COG1: variants seen among roughly 807,000 people sequenced by gnomAD.
COG1 encodes the protein conserved oligomeric Golgi complex subunit 1.
In COG1, 61 loss-of-function variants were observed where a neutral mutation model predicts 102.2. That is an observed-to-expected ratio of 0.60 (90% confidence interval 0.49 to 0.74). The LOEUF is 0.74. COG1 is among the 30% of genes least tolerant of loss of function. The pLI is 0.00. For missense variants in COG1, 1,164 were observed against 1,232.1 expected (o/e 0.94, Z 0.83); for synonymous variants, 454 against 493.6 (o/e 0.92, Z 1.06).
chr17:73,194,584 C>T (rs2061318170), intron 1 of COG1, among the ~76,000 whole-genome samples: 1 of 152,080 alleles, frequency 6.6e-6, no homozygotes, highest in Middle Eastern at 3.4e-3. Context: ...CTGCCTCAGC[C>T]ACCCGCGTAG....
chr17:73,201,097 A>G lies in COG1; in HGVS notation c.1282-12A>G. 1.2e-6 allele frequency: 2 copies of G among 1,612,304 alleles called. No homozygotes were observed. Among genetic ancestry groups the G allele is most frequent in the Non-Finnish European group, 1.7e-6 (2 of 1,178,572 alleles). ...GAACTGTGATTAGAACTCTTCTCTC[A>G]TTCTCTTTTAGACTCTGACAAAAGA... is the stretch of plus-strand genomic sequence containing the variant. On this transcript the variant is annotated splice_polypyrimidine_tract_variant and intron_variant, in intron 6 of 13. Coordinates refer to ENST00000299886, the MANE Select transcript of COG1 (RefSeq NM_018714.3).
chr17:73,204,465 C>T (rs1174062778), intron 9 of COG1, among the ~76,000 whole-genome samples: 1 of 151,984 alleles, frequency 6.6e-6, no homozygotes, highest in East Asian at 1.9e-4. Flanking sequence ...TGCTTACTTA[C>T]GGGGAGTTCT....
intron 9 of COG1, chr17:73,205,288 T>C (rs1487731729): frequency 2.2e-6 from 1 of 459,914 alleles, no homozygotes; most frequent in Non-Finnish European, 4.0e-6. Context: ...AGGAGCCTTT[T>C]TTTCCCCTTT....
chr17:73,200,471 A>C (rs968707513), intron 5 of COG1, 95 bp from the exon 6 acceptor site: 3 of 1,061,206 alleles, frequency 2.8e-6, no homozygotes, highest in Non-Finnish European at 4.4e-6. Flanking sequence ...TGGAACTCAG[A>C]TAAGAGATTG....
Position 73,208,424 on chromosome 17 carries a change from T to C in COG1, c.2916T>C (p.Leu972=). Residue 972 remains leucine (L), a synonymous_variant, in exon 14 of 14, where the codon CTT becomes CTC. Coordinates refer to ENST00000299886, the MANE Select transcript of COG1 (RefSeq NM_018714.3). ...DNTSAPSLFK[L]GWLSSMTK Reference sequence around the variant, plus strand: ...CGTCTGCACCTTCATTATTCAAACTTGGCTGGCTCTCTAGTATGACTAAGT... The same window carrying C: ...CGTCTGCACCTTCATTATTCAAACTCGGCTGGCTCTCTAGTATGACTAAGT... 1 of 1,614,220 alleles carries C rather than the reference T, an allele frequency of 6.2e-7. No homozygotes were observed. Among genetic ancestry groups the C allele is most frequent in the East Asian group, 2.2e-5 (1 of 44,880 alleles).
chr17:73,194,238 C>A (rs2061316005), intron 1 of COG1, among the ~76,000 whole-genome samples: 1 of 148,052 alleles, frequency 6.8e-6, no homozygotes, highest in Non-Finnish European at 1.5e-5. Context: ...GTCAGGAGAT[C>A]CAGACCATCC....
At chr17:73,203,850 G>C (rs1405548345) in intron 9 of COG1, 57 bp downstream of exon 9, 1 of 1,597,024 alleles carries the variant, frequency 6.3e-7, no homozygotes, top group Non-Finnish European at 8.6e-7. Flanking sequence ...GAAAACCTTA[G>C]CATTGTCTTG....
intron 1 of COG1, among the ~76,000 whole-genome samples, chr17:73,194,092 A>G: frequency 6.6e-6 from 1 of 152,092 alleles, no homozygotes. Flanking sequence ...CACAATGAGG[A>G]AGGATGGGAG....
chr17:73,205,318 T>C (rs2061364030), intron 9 of COG1: 3 of 526,524 alleles, frequency 5.7e-6, no homozygotes, highest in East Asian at 7.0e-5. Flanking sequence ...ATTTACAGCA[T>C]CTGAGGCCTT....
At position 73,197,383 on chromosome 17, in the gene COG1, C is replaced by G. The variant is rs776685074; in HGVS notation, c.900C>G (p.Gly300=). 1.2e-6 allele frequency: 2 copies of G among 1,614,156 alleles called. No homozygotes were observed. The highest frequency in any genetic ancestry group is 2.2e-5 in the South Asian group (2 of 91,086). ...LLFSTLETIT[G]QHPAGKGTGV... is the part of the protein sequence containing the mutation. ...TCTCTACTCTGGAGACCATCACAGG[C>G]CAGCATCCTGCCGGTGAGCTCTTAG... The change falls in exon 4 of 14, where the codon GGC becomes GGG. Residue 300 remains glycine, a synonymous_variant. Coordinates refer to ENST00000299886, the MANE Select transcript of COG1 (RefSeq NM_018714.3).
rs2061381090 is a variant in COG1 at position 73,207,239 on chromosome 17, A to G, written c.2788A>G (p.Ile930Val). 1.2e-6 allele frequency: 2 copies of G among 1,614,184 alleles called. No homozygotes were observed. The highest frequency in any genetic ancestry group is 8.5e-7 in the Non-Finnish European group (1 of 1,180,044). Residue 930 changes from isoleucine to valine, a missense_variant, in exon 13 of 14, where the codon ATC (isoleucine) becomes GTC (valine). Coordinates refer to ENST00000299886, the MANE Select transcript of COG1 (RefSeq NM_018714.3). ...TCGAAAGGCTAAATCAACCAGAAAC[A>G]TCGAAACAAAAGCTCAGGTTGGTGC... ...STRKAKSTRN[I>V]ETKAQVVPPA...
Position 73,201,658 on chromosome 17 carries a change from GTTCTT to G in COG1, c.1835_1839del (p.Leu612HisfsTer34). ...CCTCAACAGTGCCAAGCTGCACTCA[GTTCTT>G]TTCATGGCCAGACTCTGCCAGTCCC... On this transcript the variant is annotated frameshift_variant, in exon 7 of 14. Coordinates refer to ENST00000299886, the MANE Select transcript of COG1 (RefSeq NM_018714.3). LOFTEE classifies it high-confidence loss of function. The G allele has an allele frequency of 1.2e-6, 2 of 1,614,230 alleles. No homozygotes were observed. The highest frequency in any genetic ancestry group is 1.7e-6 in the Non-Finnish European group (2 of 1,180,046).
At position 73,201,539 on chromosome 17, in the gene COG1, G is replaced by A. The variant is rs141750466; in HGVS notation, c.1712G>A (p.Arg571Gln). 2.9e-3 allele frequency: 4,658 copies of A among 1,614,234 alleles called. 40 individuals carry two copies. Among genetic ancestry groups the A allele is most frequent in the Non-Finnish European group, 2.7e-3 (3,236 of 1,180,050 alleles). ...GCGGGGACCGTGCAGGAGATGCTGC[G>A]GACTCAGTCCGTGGCATGCATCAAG... ...ADAGTVQEMLRTQSVACIKHI... is the reference protein window; with the variant it reads ...ADAGTVQEMLQTQSVACIKHI... Residue 571 changes from arginine to glutamine, a missense_variant, in exon 7 of 14, where the codon CGG becomes CAG. Transcript: ENST00000299886.
At position 73,203,160 on chromosome 17, in the gene COG1, A is replaced by G. The variant is rs1475016394; in HGVS notation, c.2220+14A>G. 3.1e-6 allele frequency: 5 copies of G among 1,613,870 alleles called. No homozygotes were observed. The highest frequency in any genetic ancestry group is 2.7e-5 in the African/African-American group (2 of 74,930). The stretch of plus-strand genomic sequence containing the variant: ...CTCCCTGCACAGGTGAGCAGGGACC[A>G]TGGGCTGAAAAAGGGAATAAACTGC... On this transcript the variant is annotated intron_variant, in intron 8 of 13. Coordinates refer to ENST00000299886, the MANE Select transcript of COG1 (RefSeq NM_018714.3).
intron 1 of COG1, among the ~76,000 whole-genome samples, chr17:73,194,025 T>G (rs2061314016): frequency 6.6e-6 from 1 of 152,140 alleles, no homozygotes; most frequent in Non-Finnish European, 1.5e-5. Context: ...AACTAAGGCT[T>G]TTTTCATTCA....
chr17:73,197,258 G>A lies in COG1; in HGVS notation c.775G>A (p.Val259Met). Residue 259 changes from valine to methionine, a missense_variant, in exon 4 of 14, where the codon GTG (valine) becomes ATG (methionine). Physicochemically the swap from Val to Met is conservative, Grantham distance 21. Coordinates refer to ENST00000299886, the MANE Select transcript of COG1 (RefSeq NM_018714.3). ...TATCAAGGCTCAGATTTGCTCATTA[G>A]TGGAGTTGCTGGCCACCACTCTGAA... ...AGIKAQICSL[V>M]ELLATTLKQA... 2 of 1,614,224 alleles carry A rather than the reference G, an allele frequency of 1.2e-6. No homozygotes were observed.
At position 73,206,758 on chromosome 17, in the gene COG1, C is replaced by G. The variant is rs1568299027; in HGVS notation, c.2670C>G (p.Ser890Arg). ...CAGAGAATCAGCTCGCCCCCCGGAG[C>G]AGTACGTTCAACTCCCAAGAACCCC... Reference protein sequence around the residue: ...TGTENQLAPRSSTFNSQEPHN... With the variant: ...TGTENQLAPRRSTFNSQEPHN... Residue 890 changes from serine to arginine, a missense_variant, in exon 12 of 14, where the codon AGC becomes AGG. Ser to Arg is a moderately radical substitution (Grantham distance 110). Transcript: ENST00000299886. 8.1e-6 allele frequency: 13 copies of G among 1,613,276 alleles called. No homozygotes were observed. Among genetic ancestry groups the G allele is most frequent in the Non-Finnish European group, 1.1e-5 (13 of 1,179,940 alleles).
rs201364732 is a variant in COG1, at chr17:73,196,766, C to G, written c.560+15C>G. On this transcript the variant is annotated intron_variant, in intron 2 of 13. Coordinates refer to ENST00000299886, the MANE Select transcript of COG1 (RefSeq NM_018714.3). ...AGCCACTTCCGGTAAGTGGATCCAGCGCAAAGAGCTGCTCTGGTGGTGGCC... is the reference window on the plus strand; with the variant it reads ...AGCCACTTCCGGTAAGTGGATCCAGGGCAAAGAGCTGCTCTGGTGGTGGCC... 2 of 1,614,118 alleles carry G rather than the reference C, an allele frequency of 1.2e-6. No individual in the cohort carries two copies. The highest frequency in any genetic ancestry group is 2.2e-5 in the South Asian group (2 of 91,086).
rs1475702362 is a variant in COG1 at position 73,197,346 on chromosome 17, G to A, written c.863G>A (p.Cys288Tyr). ...EGLLPDPALPCGLLFSTLETI... is the reference protein window; with the variant it reads ...EGLLPDPALPYGLLFSTLETI... The stretch of plus-strand genomic sequence containing the variant: ...CTGCTGCCAGATCCAGCCCTGCCAT[G>A]TGGCTTGCTCTTCTCTACTCTGGAG... Residue 288 changes from cysteine to tyrosine, a missense_variant, in exon 4 of 14, where the codon TGT (cysteine) becomes TAT (tyrosine). Coordinates refer to ENST00000299886, the MANE Select transcript of COG1 (RefSeq NM_018714.3). The A allele has an allele frequency of 1.2e-6, 2 of 1,614,200 alleles. No individual in the cohort carries two copies. The highest frequency in any genetic ancestry group is 1.7e-6 in the Non-Finnish European group (2 of 1,180,044).
Sources: gnomAD v4.1 joint callset for allele counts (sites outside exome capture counted in the v4.1 genomes callset) on GRCh38, gnomAD v4.1.1 for gene constraint, MANE v1.5 for transcripts, NCBI Gene and HGNC (gene_info 2026-07-23, HGNC 2026-07-21) for gene names.